The following USP6NL variants were observed in gnomAD, a reference collection of about 807,000 sequenced individuals.
USP6NL encodes USP6 N-terminal like.
USP6NL carries 26 observed loss-of-function variants against 61.9 expected under a neutral mutation model. The ratio of observed to expected loss-of-function variants is 0.42; its 90% confidence interval spans 0.31 to 0.58. USP6NL has a LOEUF of 0.58. Among genes scored for constraint, USP6NL ranks in the 20% least tolerant of loss-of-function variants. USP6NL has a pLI of 0.16. For synonymous variants in USP6NL, 432 were observed against 390.1 expected, an observed-to-expected ratio of 1.11 and a Z score of -1.27; for missense variants, 1,114 against 1,034.3, an observed-to-expected ratio of 1.08 and a Z score of -1.06.
rs147053626 is a variant in USP6NL at position 11,528,152 on chromosome 10, C to G, written c.5-585G>C. 0.011 allele frequency among the ~76,000 whole-genome samples: 1,663 copies of G among 151,932 alleles called. 19 individuals carry two copies. The highest frequency in any genetic ancestry group is 0.032 in the South Asian group (152 of 4,802). ...AGACACACACACACACACACACACA[C>G]ACACACACCCTTCATCCTTATTAAC... On this transcript the variant is annotated intron_variant, in intron 2 of 14. Coordinates refer to ENST00000609104, the MANE Select transcript of USP6NL (RefSeq NM_014688.5). The surrounding 1 kb of genome is among the most constrained non-coding windows in gnomAD (Gnocchi z 4.6).
rs867143883 is a variant in USP6NL, at chr10:11,528,231, T to A, written c.5-664A>T. Among the ~76,000 whole-genome samples, 29 of 150,122 alleles carry A rather than the reference T, an allele frequency of 1.9e-4. No homozygotes were observed. The highest frequency in any genetic ancestry group is 4.4e-4 in the African/African-American group (18 of 40,624). On this transcript the variant is annotated intron_variant, in intron 2 of 14. Coordinates refer to ENST00000609104, the MANE Select transcript of USP6NL (RefSeq NM_014688.5). The surrounding 1 kb of genome is among the most constrained non-coding windows in gnomAD (Gnocchi z 4.6). ...GACAACAAAAGTCGAGATCATAACA[T>A]GAAATAGTATGAATATATACCATAA...
In USP6NL at chr10:11,490,162, T is replaced by C. The variant is rs989227630; in HGVS notation, c.543+670A>G. Among the ~76,000 whole-genome samples, 1 of 152,244 alleles carries C rather than the reference T, an allele frequency of 6.6e-6. No individual in the cohort carries two copies. The highest frequency in any genetic ancestry group is 1.5e-5 in the Non-Finnish European group (1 of 68,040). ...TTTAACTTTTCCTAGTTTGAGCGAATTTCTGTTCTTATAATTTAAAGGTTT... is the reference window on the plus strand; with the variant it reads ...TTTAACTTTTCCTAGTTTGAGCGAACTTCTGTTCTTATAATTTAAAGGTTT... On this transcript the variant is annotated intron_variant, in intron 9 of 14. Transcript: ENST00000609104. This position sits in a 1 kb window ranked among gnomAD's most constrained non-coding sequence, Gnocchi z 4.5.
At chr10:11,493,293 A>C in intron 7 of USP6NL, 65 bp from the exon 8 acceptor site, 1 of 1,368,520 alleles carries the variant, frequency 7.3e-7, no homozygotes, top group Non-Finnish European at 1.0e-6. Context: ...ACTCTATGAC[A>C]AATAATAATT....
intron 2 of USP6NL, among the ~76,000 whole-genome samples, chr10:11,534,212 T>C (rs779141822): frequency 2.6e-5 from 4 of 152,236 alleles, no homozygotes; most frequent in Non-Finnish European, 5.9e-5. Context: ...CTGACCTTCT[T>C]GCTCTGCCCA....
At chr10:11,584,605 T>A (rs1837903549) in intron 2 of USP6NL, among the ~76,000 whole-genome samples, 1 of 152,132 alleles carries the variant, frequency 6.6e-6, no homozygotes, top group Non-Finnish European at 1.5e-5. Context: ...GCATTATCTC[T>A]CCTCTGACCA....
At chr10:11,566,688 C>T (rs1021203018) in intron 2 of USP6NL, among the ~76,000 whole-genome samples, 2 of 152,216 alleles carry the variant, frequency 1.3e-5, no homozygotes, top group African/African-American at 4.8e-5. Flanking sequence ...GAATGAGGAA[C>T]TAAATTTTTT....
At chr10:11,524,559 A>G (rs1306202880) in intron 4 of USP6NL, among the ~76,000 whole-genome samples, 1 of 152,208 alleles carries the variant, frequency 6.6e-6, no homozygotes, top group Non-Finnish European at 1.5e-5. Flanking sequence ...ACTCAGAAAA[A>G]AAGAAAAGGA....
At position 11,481,957 on chromosome 10, in the gene USP6NL, C is replaced by T. The variant is rs767276140; in HGVS notation, c.926-35G>A. On this transcript the variant is annotated intron_variant, in intron 13 of 14. Transcript: ENST00000609104. This position sits in a 1 kb window ranked among gnomAD's most constrained non-coding sequence, Gnocchi z 4.4. ...GATAAGAGAAATGAAAATGCCAAGT[C>T]AATAGCTACTTTAGGTAGGAAGATA... is the stretch of plus-strand genomic sequence containing the variant. The T allele has an allele frequency of 1.9e-6, 3 of 1,569,426 alleles. No homozygotes were observed. Among genetic ancestry groups the T allele is most frequent in the Non-Finnish European group, 2.6e-6 (3 of 1,159,698 alleles).
chr10:11,586,906 C>T (rs960247189), intron 2 of USP6NL, among the ~76,000 whole-genome samples: 1 of 152,142 alleles, frequency 6.6e-6, no homozygotes, highest in Non-Finnish European at 1.5e-5. Flanking sequence ...TACGTTGTTC[C>T]TTCTGTTTAG....
chr10:11,559,396 C>A (rs1836837726), intron 2 of USP6NL, among the ~76,000 whole-genome samples: 1 of 152,052 alleles, frequency 6.6e-6, no homozygotes. Flanking sequence ...AAAACAGCAA[C>A]TTTAAGGTCA....
At position 11,484,985 on chromosome 10, in the gene USP6NL, A is replaced by C. The variant is rs1398676936; in HGVS notation, c.911T>G (p.Leu304Ter). 1 of 1,526,604 alleles carries C rather than the reference A, an allele frequency of 6.6e-7. No homozygotes were observed. Among genetic ancestry groups the C allele is most frequent in the Admixed American group, 2.3e-5 (1 of 42,974 alleles). 94.6% of individuals were successfully genotyped at this position (1,526,604 alleles called of 1,614,324 possible). A position where few individuals can be genotyped will look rare whatever the true frequency, so the allele number is the denominator to read the frequency against. ...RVLTAMSYTILKLHKKHLMKL... is the reference protein window; with the variant it reads ...RVLTAMSYTI ...CATTTTCTTACTTTTGTGTAATTTT[A>C]AGATGGTGTAAGACATAGCAGTAAG... The change falls in exon 13 of 15, where the codon TTA becomes TGA. Residue 304 changes from leucine to a stop codon, truncating the protein, a stop_gained. Transcript: ENST00000609104. LOFTEE classifies it high-confidence loss of function.
chr10:11,582,846 CAAT>C (rs925938306), intron 2 of USP6NL, among the ~76,000 whole-genome samples: 21 of 151,152 alleles, frequency 1.4e-4, no homozygotes, highest in African/African-American at 2.2e-4. Context: ...ATCTTCACAA[CAAT>C]GAGAAATTCT....
chr10:11,501,416 T>C (rs917189149), intron 6 of USP6NL, among the ~76,000 whole-genome samples: 4 of 152,210 alleles, frequency 2.6e-5, no homozygotes, highest in African/African-American at 7.2e-5. Context: ...GGAGAGAGTA[T>C]AACAAGAAAT....
At position 11,611,483 on chromosome 10, in the gene USP6NL, G is replaced by A. The variant is rs1461534230; in HGVS notation, c.-124C>T. The A allele has an allele frequency of 6.3e-6, 1 of 158,782 alleles. No individual in the cohort carries two copies. Among genetic ancestry groups the A allele is most frequent in the East Asian group, 1.9e-4 (1 of 5,350 alleles). The allele number at this position is 158,782 out of a possible 1,614,324, so 9.8% of individuals were successfully genotyped here. A position where few individuals can be genotyped will look rare whatever the true frequency, so the allele number is the denominator to read the frequency against. On this transcript the variant is annotated 5_prime_UTR_variant, in exon 1 of 15. Coordinates refer to ENST00000609104, the MANE Select transcript of USP6NL (RefSeq NM_014688.5). The surrounding 1 kb of genome is among the most constrained non-coding windows in gnomAD (Gnocchi z 5.3). ...ACTGCTAGGCTGTGGGCAGCGGACA[G>A]AGCTGGCGGTCCCGGGCGGCCGAGC...
At position 11,598,791 on chromosome 10, in the gene USP6NL, C is replaced by A. The variant is rs1159802093; in HGVS notation, c.-83-1074G>T. Among the ~76,000 whole-genome samples, 1 of 152,234 alleles carries A rather than the reference C, an allele frequency of 6.6e-6. No homozygotes were observed. ...TTTGAAGAAATACTGCTTGCCACAT[C>A]TATATACTGTACTTGCGTCATGTAA... On this transcript the variant is annotated intron_variant, in intron 1 of 14. Coordinates refer to ENST00000609104, the MANE Select transcript of USP6NL (RefSeq NM_014688.5). The surrounding 1 kb of genome is among the most constrained non-coding windows in gnomAD (Gnocchi z 4.7).
At chr10:11,583,609 T>C (rs890374839) in intron 2 of USP6NL, among the ~76,000 whole-genome samples, 1 of 152,218 alleles carries the variant, frequency 6.6e-6, no homozygotes, top group South Asian at 2.1e-4. Flanking sequence ...GATTTAGTCA[T>C]AATAAGGAAA....
At position 11,525,622 on chromosome 10, in the gene USP6NL, C is replaced by T. The variant is rs1003259642; in HGVS notation, c.73-154G>A. The stretch of plus-strand genomic sequence containing the variant: ...TTATGAGCCTTAACATTTTTTTTTC[C>T]CCTTTAAACCCAACTATTTTTGGCA... On this transcript the variant is annotated intron_variant, in intron 3 of 14. Coordinates refer to ENST00000609104, the MANE Select transcript of USP6NL (RefSeq NM_014688.5). The surrounding 1 kb of genome is among the most constrained non-coding windows in gnomAD (Gnocchi z 5.0). Among the ~76,000 whole-genome samples the T allele has an allele frequency of 2.0e-5, 3 of 151,634 alleles. No homozygotes were observed. Among genetic ancestry groups the T allele is most frequent in the African/African-American group, 7.3e-5 (3 of 41,282 alleles).
chr10:11,496,164 G>C lies in USP6NL; in HGVS notation c.385-2936C>G, dbSNP rs1833915563. Among the ~76,000 whole-genome samples the C allele has an allele frequency of 2.6e-5, 4 of 152,334 alleles. No homozygotes were observed. In the South Asian group the frequency reaches 8.3e-4, roughly 32 times the overall value. ...CAAGGTCTGCGTTTTCCCTAGTCCA[G>C]AGGCCCTCTGTTTCATCCTCGCCAA... On this transcript the variant is annotated intron_variant, in intron 7 of 14. Coordinates refer to ENST00000609104, the MANE Select transcript of USP6NL (RefSeq NM_014688.5). This position sits in a 1 kb window ranked among gnomAD's most constrained non-coding sequence, Gnocchi z 5.4.
At chr10:11,473,252 C>T (rs1055623458) in intron 14 of USP6NL, among the ~76,000 whole-genome samples, 2 of 152,196 alleles carry the variant, frequency 1.3e-5, no homozygotes, top group Non-Finnish European at 2.9e-5. Flanking sequence ...AATACAGCCA[C>T]AGCCACAGCC....
Sources: gnomAD v4.1 joint callset for allele counts (sites outside exome capture counted in the v4.1 genomes callset) on GRCh38, gnomAD v4.1.1 for gene constraint, Gnocchi (gnomAD v3.1) non-coding constraint, MANE v1.5 for transcripts, NCBI Gene and HGNC (gene_info 2026-07-23, HGNC 2026-07-21) for gene names.